Variants in LSM14A observed in about 807,000 individuals in gnomAD.
LSM14A encodes the protein LSM14A mRNA processing body assembly factor, also known as protein LSM14 homolog A.
A neutral mutation model predicts 52.4 loss-of-function variants in LSM14A; 14 were observed. The observed-to-expected ratio is 0.27, with a 90% confidence interval of 0.18 to 0.42. The LOEUF is 0.42. Ranked by LOEUF, LSM14A falls within the 10% of genes least tolerant of loss-of-function variation. The pLI is 1.00. For synonymous variants in LSM14A, 185 were observed against 200.3 expected (o/e 0.92, Z 0.64); for missense variants, 417 against 581.8 (o/e 0.72, Z 2.91).
intron 9 of LSM14A, among the ~76,000 whole-genome samples, chr19:34,226,253 A>G (rs768204626): frequency 3.3e-5 from 5 of 152,032 alleles, no homozygotes; most frequent in Non-Finnish European, 5.9e-5. Flanking sequence ...TAAAAATCAC[A>G]TCTGTGTTTC....
Position 34,215,173 on chromosome 19 carries a change from A to G in LSM14A, c.588A>G (p.Glu196=). ...CTTTGAGAAAAAGCCCAACCATGGA[A>G]CAAGCAGTGCAGACCGCCTCAGCCC... ...LDPLRKSPTM[E]QAVQTASAHL... Residue 196 remains glutamate, a synonymous_variant, in exon 5 of 10, where the codon GAA becomes GAG. Transcript: ENST00000544216. 6.2e-7 allele frequency: 1 copy of G among 1,613,978 alleles called. No individual in the cohort carries two copies. Among genetic ancestry groups the G allele is most frequent in the Non-Finnish European group, 8.5e-7 (1 of 1,179,972 alleles).
At chr19:34,174,799 A>G (rs186797110) in intron 1 of LSM14A, among the ~76,000 whole-genome samples, 10 of 152,346 alleles carry the variant, frequency 6.6e-5, no homozygotes, top group Middle Eastern at 3.4e-3. Flanking sequence ...AAAGTGGTTT[A>G]ATAAATTTGT....
chr19:34,221,738 GGTAA>G lies in LSM14A; in HGVS notation c.1368+3_1368+6del, dbSNP rs779455092. On this transcript the variant is annotated splice_donor_variant and splice_donor_region_variant and intron_variant, in intron 9 of 9. Transcript: ENST00000544216. LOFTEE classifies it high-confidence loss of function. ...GGGAGTTTGCGGATTTTGAATATAG[GGTAA>G]GTGTTACTGTTAATAAATTCTTTGG... The G allele has an allele frequency of 1.9e-6, 3 of 1,608,906 alleles. No homozygotes were observed. Among genetic ancestry groups the G allele is most frequent in the African/African-American group, 1.3e-5 (1 of 74,914 alleles).
At chr19:34,207,940 G>A (rs200324894) in intron 3 of LSM14A, among the ~76,000 whole-genome samples, 308 of 152,298 alleles carry the variant, frequency 2.0e-3, no homozygotes, top group Non-Finnish European at 3.3e-3. Flanking sequence ...AATGGTTGAA[G>A]GGACTGGAGT....
chr19:34,227,598 T>C lies in LSM14A; in HGVS notation c.*210T>C. The C allele has an allele frequency of 2.1e-6, 1 of 473,284 alleles. No homozygotes were observed. Among genetic ancestry groups the C allele is most frequent in the East Asian group, 3.5e-5 (1 of 28,500 alleles). 29.3% of individuals were successfully genotyped at this position (473,284 alleles called of 1,614,324 possible). The stretch of plus-strand genomic sequence containing the variant: ...GAAGGCTCATCTTAAAACATGAGCA[T>C]TAAATATATTTGGAATAGCAGAAGG... On this transcript the variant is annotated 3_prime_UTR_variant, in exon 10 of 10. Coordinates refer to ENST00000544216, the MANE Select transcript of LSM14A (RefSeq NM_015578.4).
intron 6 of LSM14A, among the ~76,000 whole-genome samples, chr19:34,218,622 T>C (rs2072846808): frequency 6.6e-6 from 1 of 152,344 alleles, no homozygotes; most frequent in Admixed American, 6.5e-5. Flanking sequence ...CAAATATTCT[T>C]CCTCTGTTTT....
At chr19:34,179,289 T>A (rs540831150) in intron 1 of LSM14A, among the ~76,000 whole-genome samples, 2 of 152,226 alleles carry the variant, frequency 1.3e-5, no homozygotes, top group South Asian at 4.1e-4. Context: ...TTTATCTACT[T>A]CTTGATGTTA....
intron 1 of LSM14A, 29 bp downstream of exon 1, chr19:34,172,792 G>A (rs1411822988): frequency 2.6e-6 from 4 of 1,550,762 alleles, no homozygotes; most frequent in South Asian, 1.2e-5. Flanking sequence ...CAGGGTGGGG[G>A]CCGAGCCGGG....
chr19:34,175,352 T>C (rs1008682405), intron 1 of LSM14A, among the ~76,000 whole-genome samples: 2 of 152,106 alleles, frequency 1.3e-5, no homozygotes, highest in Non-Finnish European at 2.9e-5. Context: ...TGCCTCAGCC[T>C]CCTGAGTAGC....
chr19:34,194,446 C>A, intron 1 of LSM14A, 32 bp from the exon 2 acceptor site: 1 of 1,585,256 alleles, frequency 6.3e-7, no homozygotes. Context: ...GATGAGTAGT[C>A]ACACATCTCA....
chr19:34,222,902 C>T (rs2073140576), intron 9 of LSM14A, among the ~76,000 whole-genome samples: 1 of 152,190 alleles, frequency 6.6e-6, no homozygotes, highest in Non-Finnish European at 1.5e-5. Context: ...TTGCCAGTGA[C>T]ACCTTGCTTA....
chr19:34,219,995 A>G, intron 8 of LSM14A, 118 bp downstream of exon 8: 1 of 755,506 alleles, frequency 1.3e-6, no homozygotes, highest in Non-Finnish European at 2.1e-6. Flanking sequence ...GTTTTGAGAC[A>G]GTCTTACTCT....
At chr19:34,191,455 G>A (rs1408162987) in intron 1 of LSM14A, among the ~76,000 whole-genome samples, 1 of 151,232 alleles carries the variant, frequency 6.6e-6, no homozygotes, top group African/African-American at 2.4e-5. Flanking sequence ...CTTCTTTACT[G>A]CCTTTTTTCT....
At chr19:34,207,666 G>A (rs1206709302) in intron 3 of LSM14A, among the ~76,000 whole-genome samples, 1 of 151,924 alleles carries the variant, frequency 6.6e-6, no homozygotes, top group Non-Finnish European at 1.5e-5. Context: ...TGAGTAGCTG[G>A]GACTGCAGGC....
At chr19:34,187,063 C>T (rs2069962643) in intron 1 of LSM14A, among the ~76,000 whole-genome samples, 1 of 143,164 alleles carries the variant, frequency 7.0e-6, no homozygotes, top group Non-Finnish European at 1.5e-5. Flanking sequence ...CATGGTGAAA[C>T]CCAGTCTCTA....
intron 3 of LSM14A, among the ~76,000 whole-genome samples, chr19:34,202,427 A>C (rs2071367317): frequency 1.3e-5 from 2 of 150,246 alleles, no homozygotes; most frequent in Non-Finnish European, 3.0e-5. Context: ...TGAGAGGTAG[A>C]GGTTGCAATG....
At chr19:34,212,854 G>A (rs2072271581) in intron 4 of LSM14A, among the ~76,000 whole-genome samples, 1 of 152,166 alleles carries the variant, frequency 6.6e-6, no homozygotes, top group Non-Finnish European at 1.5e-5. Context: ...CCCATTGCTT[G>A]TACTTCTGTA....
At chr19:34,186,988 C>G (rs1264804644) in intron 1 of LSM14A, among the ~76,000 whole-genome samples, 1 of 151,854 alleles carries the variant, frequency 6.6e-6, no homozygotes, top group Non-Finnish European at 1.5e-5. Flanking sequence ...ACCTGTCATC[C>G]CAACTCTTTG....
chr19:34,226,610 C>A, intron 9 of LSM14A: 2 of 670,354 alleles, frequency 3.0e-6, no homozygotes, highest in Non-Finnish European at 4.7e-6. Flanking sequence ...GTGTTGTATA[C>A]ACAGATGAAG....
Sources: allele counts gnomAD v4.1 joint callset (sites outside exome capture counted in the v4.1 genomes callset), GRCh38; gene constraint gnomAD v4.1.1; transcripts MANE v1.5; gene names NCBI Gene and HGNC (gene_info 2026-07-23, HGNC 2026-07-21).